The following RBFOX1 variants were observed in gnomAD, a reference collection of about 807,000 sequenced individuals.
RBFOX1 encodes RNA binding protein fox-1 homolog 1.
A neutral mutation model predicts 57.7 loss-of-function variants in RBFOX1; 8 were observed. That is an observed-to-expected ratio of 0.14 (90% CI 0.08 to 0.25). RBFOX1 has a LOEUF of 0.25. Among genes scored for constraint, RBFOX1 ranks in the 10% least tolerant of loss-of-function variants. The pLI is 1.00. For synonymous variants in RBFOX1, 326 were observed against 222.4 expected (o/e 1.47, Z -4.15); for missense variants, 611 against 548.5 (o/e 1.11, Z -1.14).
At chr16:7,452,468 T>C (rs2057553028) in intron 4 of RBFOX1, among the ~76,000 whole-genome samples, 1 of 152,216 alleles carries the variant, frequency 6.6e-6, no homozygotes, top group Non-Finnish European at 1.5e-5. Flanking sequence ...TTGCAAATGC[T>C]TGTCTTTCCC....
At chr16:6,270,773 C>A (rs1469554314) in intron 1 of RBFOX1, among the ~76,000 whole-genome samples, 2 of 152,156 alleles carry the variant, frequency 1.3e-5, no homozygotes, top group Non-Finnish European at 2.9e-5. Context: ...GAAGGCGTTT[C>A]TTTTTCATGT....
At chr16:7,658,204 C>A (rs890029912) in intron 12 of RBFOX1, among the ~76,000 whole-genome samples, 1 of 152,104 alleles carries the variant, frequency 6.6e-6, no homozygotes, top group East Asian at 1.9e-4. Flanking sequence ...CTCAACATCC[C>A]CCTTTTGCTT....
chr16:7,221,430 A>C (rs997867861), intron 4 of RBFOX1, among the ~76,000 whole-genome samples: 5 of 151,796 alleles, frequency 3.3e-5, no homozygotes, highest in African/African-American at 9.7e-5. Flanking sequence ...GCAGTGGCCC[A>C]ATCTTGGCTC....
intron 2 of RBFOX1, among the ~76,000 whole-genome samples, chr16:6,487,700 AATATATATATATATATATATAT>A (rs1277585706): frequency 1.8e-3 from 29 of 16,282 alleles, no homozygotes; most frequent in African/African-American, 5.5e-3. Context: ...AAAAAAAAAA[AATATATATATATATATATATAT>A]ATATATATAT....
intron 2 of RBFOX1, among the ~76,000 whole-genome samples, chr16:5,574,214 A>G (rs1248405892): frequency 6.6e-6 from 1 of 152,178 alleles, no homozygotes; most frequent in Non-Finnish European, 1.5e-5. Context: ...TGAAGAAACA[A>G]AGGCTCAGAA....
At chr16:5,727,650 T>C (rs2052203124) in intron 3 of RBFOX1, among the ~76,000 whole-genome samples, 1 of 152,150 alleles carries the variant, frequency 6.6e-6, no homozygotes, top group Non-Finnish European at 1.5e-5. Context: ...CTCAAGCTCT[T>C]GGTGACCACA....
intron 1 of RBFOX1, among the ~76,000 whole-genome samples, chr16:5,351,887 T>C (rs1309705642): frequency 6.6e-6 from 1 of 152,210 alleles, no homozygotes; most frequent in Non-Finnish European, 1.5e-5. Context: ...CACTGCAGCC[T>C]CTACCTCCTG....
At chr16:5,364,121 A>G (rs1208274052) in intron 1 of RBFOX1, among the ~76,000 whole-genome samples, 2 of 152,238 alleles carry the variant, frequency 1.3e-5, no homozygotes, top group African/African-American at 4.8e-5. Flanking sequence ...GTGTCAAAGG[A>G]GGTTTTGAAA....
chr16:7,636,694 C>T (rs2061813266), intron 11 of RBFOX1, among the ~76,000 whole-genome samples: 1 of 152,138 alleles, frequency 6.6e-6, no homozygotes. Context: ...AGGCTTAAGC[C>T]ACAGACATTC....
intron 4 of RBFOX1, among the ~76,000 whole-genome samples, chr16:5,976,860 C>A (rs903741171): frequency 1.3e-5 from 2 of 152,152 alleles, no homozygotes; most frequent in African/African-American, 2.4e-5. Context: ...CAGAGCAAGA[C>A]TCTGTCAATC....
chr16:6,024,498 C>CTT (rs148599657), intron 1 of RBFOX1, among the ~76,000 whole-genome samples: 1 of 151,830 alleles, frequency 6.6e-6, no homozygotes, highest in African/African-American at 2.4e-5. Context: ...TCTCCGCTTT[C>CTT]TTTTTTTTGA....
chr16:7,697,921 T>TC (rs1370434417), intron 14 of RBFOX1, among the ~76,000 whole-genome samples: 2 of 152,166 alleles, frequency 1.3e-5, no homozygotes, highest in Non-Finnish European at 2.9e-5. Flanking sequence ...ACTTGGCTTG[T>TC]CCCCTTCAGG....
chr16:7,678,832 T>C (rs1333890811), intron 14 of RBFOX1, among the ~76,000 whole-genome samples: 1 of 152,222 alleles, frequency 6.6e-6, no homozygotes, highest in Non-Finnish European at 1.5e-5. Context: ...AGATTTCTCA[T>C]TGGCAACATG....
At chr16:5,749,431 A>C (rs911911415) in intron 3 of RBFOX1, among the ~76,000 whole-genome samples, 1 of 151,876 alleles carries the variant, frequency 6.6e-6, no homozygotes, top group Admixed American at 6.6e-5. Context: ...AGGTTGGGGA[A>C]GTTCTCCTGG....
intron 2 of RBFOX1, among the ~76,000 whole-genome samples, chr16:6,454,860 G>GTTTTT (rs869038635): frequency 1.9e-4 from 3 of 15,492 alleles, no homozygotes; most frequent in Non-Finnish European, 2.4e-4. Context: ...TCATATACAG[G>GTTTTT]TTTTTTTTTT....
intron 3 of RBFOX1, among the ~76,000 whole-genome samples, chr16:6,865,556 A>C (rs2059773144): frequency 6.6e-6 from 1 of 152,160 alleles, no homozygotes; most frequent in Non-Finnish European, 1.5e-5. Flanking sequence ...AGGTGGTAGA[A>C]ATACAATTTG....
intron 2 of RBFOX1, among the ~76,000 whole-genome samples, chr16:5,537,197 T>C (rs999983396): frequency 1.3e-5 from 2 of 152,136 alleles, no homozygotes; most frequent in African/African-American, 2.4e-5. Flanking sequence ...ATCTTTAATG[T>C]TCATATATAT....
At chr16:5,686,605 C>T (rs766456539) in intron 3 of RBFOX1, among the ~76,000 whole-genome samples, 3 of 152,074 alleles carry the variant, frequency 2.0e-5, no homozygotes, top group Non-Finnish European at 4.4e-5. Context: ...TGGTGTTTGA[C>T]TACTGCCTCC....
intron 4 of RBFOX1, among the ~76,000 whole-genome samples, chr16:5,872,767 C>T (rs1397249130): frequency 6.6e-6 from 1 of 151,888 alleles, no homozygotes; most frequent in Non-Finnish European, 1.5e-5. Context: ...GAAAATAATA[C>T]AATGCTTAAG....
Sources: allele counts gnomAD v4.1 joint callset (sites outside exome capture counted in the v4.1 genomes callset), GRCh38; gene constraint gnomAD v4.1.1; transcripts MANE v1.5; gene names NCBI Gene and HGNC (gene_info 2026-07-23, HGNC 2026-07-21).